Variants in RPF2 observed in about 807,000 individuals in gnomAD.
RPF2 encodes the protein ribosome production factor 2 homolog, also known as brix domain containing 1.
Under a neutral mutation model 38.9 loss-of-function variants are expected in RPF2, and 21 were observed. The observed-to-expected ratio is 0.54, with a 90% CI of 0.38 to 0.78. The LOEUF (loss-of-function observed/expected upper bound fraction) is 0.78, where lower values mean the gene tolerates loss of function less well. Ranked by LOEUF, RPF2 falls within the 30% of genes least tolerant of loss-of-function variation. The pLI is 0.00. For missense variants in RPF2, 314 were observed against 358.1 expected, an observed-to-expected ratio of 0.88 and a Z score of 0.99; for synonymous variants, 121 against 126.2, an observed-to-expected ratio of 0.96 and a Z score of 0.28.
chr6:111,011,304 C>T lies in RPF2; in HGVS notation c.493+3167C>T, dbSNP rs202033601. The stretch of plus-strand genomic sequence containing the variant: ...TCTTTCTTTCTTTCTTTCTTTCTTT[C>T]TTTCTTTTTTTTTTTGAGACATAGT... On this transcript the variant is annotated intron_variant, in intron 7 of 9. Transcript: ENST00000441448. 5.9e-3 allele frequency among the ~76,000 whole-genome samples: 676 copies of T among 114,212 alleles called. 7 individuals are homozygous for T. Among genetic ancestry groups the T allele is most frequent in the Middle Eastern group, 0.014 (3 of 212 alleles). The allele number at this position is 114,212 out of a possible 152,430, so 74.9% of individuals were successfully genotyped here.
chr6:111,008,022 T>C lies in RPF2; in HGVS notation c.394-16T>C. ...ACTTTGGTAATTATATAATTGCTTT[T>C]TTTTTTTTTTTTTAGAACAGTAAAT... On this transcript the variant is annotated splice_polypyrimidine_tract_variant and intron_variant, in intron 6 of 9. Coordinates refer to ENST00000441448, the MANE Select transcript of RPF2 (RefSeq NM_032194.3). 6.8e-7 allele frequency: 1 copy of C among 1,462,232 alleles called. No individual in the cohort carries two copies. The highest frequency in any genetic ancestry group is 9.2e-7 in the Non-Finnish European group (1 of 1,091,660). 90.6% of individuals were successfully genotyped at this position (1,462,232 alleles called of 1,614,324 possible). A position where few individuals can be genotyped will look rare whatever the true frequency, so the allele number is the denominator to read the frequency against.
At position 111,025,560 on chromosome 6, in the gene RPF2, C is replaced by T; in HGVS notation, c.899C>T (p.Ser300Leu). 1.9e-6 allele frequency: 3 copies of T among 1,596,546 alleles called. No homozygotes were observed. The highest frequency in any genetic ancestry group is 2.6e-6 in the Non-Finnish European group (3 of 1,174,994). The change falls in exon 10 of 10, where the codon TCA becomes TTA. Residue 300 changes from serine (S) to leucine (L), a missense_variant. Coordinates refer to ENST00000441448, the MANE Select transcript of RPF2 (RefSeq NM_032194.3). ...ERITEDHEKK[S>L]KRIKKN Reference sequence around the variant, plus strand: ...ATAACAGAAGACCACGAGAAAAAGTCAAAAAGAATTAAAAAAAATTGATGG... The same window carrying T: ...ATAACAGAAGACCACGAGAAAAAGTTAAAAAGAATTAAAAAAAATTGATGG...
chr6:110,986,220 T>G (rs1164938676), intron 2 of RPF2, among the ~76,000 whole-genome samples: 2 of 152,212 alleles, frequency 1.3e-5, no homozygotes, highest in Non-Finnish European at 2.9e-5. Flanking sequence ...AATTCTAATC[T>G]GAAAGCTCCG....
chr6:111,023,065 A>G (rs1254166996), intron 8 of RPF2, among the ~76,000 whole-genome samples: 1 of 150,796 alleles, frequency 6.6e-6, no homozygotes, highest in African/African-American at 2.4e-5. Context: ...CGCCTGGCTA[A>G]TTTTTTGTGT....
At chr6:111,018,757 TAG>T (rs1772176018) in intron 8 of RPF2, among the ~76,000 whole-genome samples, 1 of 152,216 alleles carries the variant, frequency 6.6e-6, no homozygotes. Context: ...AAGATGTAAT[TAG>T]AGACTTTATA....
rs565441783 is a variant in RPF2, at chr6:111,024,855, T to C, written c.741+528T>C. ...AGTTGCAAAACCCAGACATGAGGTT[T>C]GGCTAAGTGCCTTCTGATAGTCAAG... On this transcript the variant is annotated intron_variant, in intron 9 of 9. Coordinates refer to ENST00000441448, the MANE Select transcript of RPF2 (RefSeq NM_032194.3). Among the ~76,000 whole-genome samples, 233 of 152,338 alleles carry C rather than the reference T, an allele frequency of 1.5e-3. 1 individual carries two copies. Among genetic ancestry groups the C allele is most frequent in the Admixed American group, 2.7e-3 (41 of 15,294 alleles).
intron 8 of RPF2, among the ~76,000 whole-genome samples, chr6:111,017,563 A>T (rs1204394983): frequency 7.1e-6 from 1 of 141,394 alleles, no homozygotes; most frequent in Non-Finnish European, 1.5e-5. Flanking sequence ...GACGCTCCTC[A>T]CCTCCCAGAT....
At chr6:110,999,580 G>C in intron 5 of RPF2, 131 bp from the exon 6 acceptor site, 1 of 538,930 alleles carries the variant, frequency 1.9e-6, no homozygotes, top group Non-Finnish European at 3.4e-6. Flanking sequence ...AAGAAAGTGG[G>C]ATATGTTTGC....
intron 6 of RPF2, among the ~76,000 whole-genome samples, chr6:111,001,881 T>C (rs12209788): frequency 0.092 from 14,046 of 152,306 alleles, 747 homozygotes; most frequent in African/African-American, 0.13. Context: ...CAGGCTCTCA[T>C]GCCTGTAAGC....
rs547807478 is a variant in RPF2, at chr6:111,022,142, G to C, written c.597-2041G>C. Reference sequence around the variant, plus strand: ...CCTTTGCACAATGGTTAGGCCTTATGGGGGGAAATATGCAAAACAAAGTGG... The same window carrying C: ...CCTTTGCACAATGGTTAGGCCTTATCGGGGGAAATATGCAAAACAAAGTGG... On this transcript the variant is annotated intron_variant, in intron 8 of 9. Coordinates refer to ENST00000441448, the MANE Select transcript of RPF2 (RefSeq NM_032194.3). Among the ~76,000 whole-genome samples the C allele has an allele frequency of 3.3e-5, 5 of 152,270 alleles. No individual in the cohort carries two copies. The East Asian group carries it at 9.6e-4, about 29-fold the overall frequency.
In RPF2 at chr6:111,027,909, C is replaced by A. The variant is rs945094771; in HGVS notation, c.*2327C>A. 1.3e-5 allele frequency: 2 copies of A among 152,134 alleles called. No individual in the cohort carries two copies. Among genetic ancestry groups the A allele is most frequent in the Admixed American group, 6.5e-5 (1 of 15,284 alleles). The allele number at this position is 152,134 out of a possible 1,614,324, so 9.4% of individuals were successfully genotyped here. A position where few individuals can be genotyped will look rare whatever the true frequency, so the allele number is the denominator to read the frequency against. On this transcript the variant is annotated 3_prime_UTR_variant, in exon 10 of 10. Coordinates refer to ENST00000441448, the MANE Select transcript of RPF2 (RefSeq NM_032194.3). ...ATATCACTTTTTGTGGAGAGCACAT[C>A]TTGATTTTCAGTTGTCCTTACTTTA...
intron 8 of RPF2, among the ~76,000 whole-genome samples, chr6:111,022,899 TTTTG>T (rs1238934824): frequency 3.3e-5 from 5 of 152,200 alleles, no homozygotes; most frequent in African/African-American, 4.8e-5. Context: ...TGATTTCTTT[TTTTG>T]TTTGTTTGTT....
At chr6:110,992,044 C>T (rs970894996) in intron 4 of RPF2, among the ~76,000 whole-genome samples, 5 of 152,118 alleles carry the variant, frequency 3.3e-5, no homozygotes, top group South Asian at 4.1e-4. Context: ...CGGTGGCTCA[C>T]GCCTGTAATC....
chr6:111,021,030 A>G (rs1157994647), intron 8 of RPF2, among the ~76,000 whole-genome samples: 2 of 151,948 alleles, frequency 1.3e-5, no homozygotes, highest in African/African-American at 4.8e-5. Context: ...TTAGCTGGAC[A>G]TGGTGGCGCA....
chr6:111,014,512 T>G (rs965482119), intron 7 of RPF2, among the ~76,000 whole-genome samples: 1 of 152,206 alleles, frequency 6.6e-6, no homozygotes, highest in African/African-American at 2.4e-5. Context: ...GGAGATAATC[T>G]GCATCTTATG....
intron 7 of RPF2, among the ~76,000 whole-genome samples, chr6:111,011,631 A>G (rs1772016644): frequency 6.6e-6 from 1 of 152,130 alleles, no homozygotes; most frequent in Non-Finnish European, 1.5e-5. Flanking sequence ...ATTTTCAGCT[A>G]AGATTTCCAT....
At chr6:110,993,916 TAC>T in intron 4 of RPF2, among the ~76,000 whole-genome samples, 1 of 152,308 alleles carries the variant, frequency 6.6e-6, no homozygotes, top group South Asian at 2.1e-4. Context: ...GGCAAAAATA[TAC>T]TGCTTGCAGA....
In RPF2 at chr6:110,995,412, C is replaced by T. The variant is rs1244484866; in HGVS notation, c.235-1771C>T. ...ATTCTTGGACTTTCTGACTCTGCATCCCCCACTCTGGTTGTGGACAGGCCA... is the reference window on the plus strand; with the variant it reads ...ATTCTTGGACTTTCTGACTCTGCATTCCCCACTCTGGTTGTGGACAGGCCA... On this transcript the variant is annotated intron_variant, in intron 4 of 9. Coordinates refer to ENST00000441448, the MANE Select transcript of RPF2 (RefSeq NM_032194.3). 2.0e-5 allele frequency among the ~76,000 whole-genome samples: 3 copies of T among 152,094 alleles called. No homozygotes were observed. In the East Asian group the frequency reaches 5.8e-4, roughly 29 times the overall value.
At chr6:110,999,644 T>C in intron 5 of RPF2, 67 bp from the exon 6 acceptor site, 1 of 954,592 alleles carries the variant, frequency 1.0e-6, no homozygotes, top group Admixed American at 1.7e-5. Flanking sequence ...AATACACAGC[T>C]CTTGTGGGTA....
Sources: gnomAD v4.1 joint callset for allele counts (sites outside exome capture counted in the v4.1 genomes callset) on GRCh38, gnomAD v4.1.1 for gene constraint, MANE v1.5 for transcripts, NCBI Gene and HGNC (gene_info 2026-07-23, HGNC 2026-07-21) for gene names.